Variants in LRP8 observed in about 807,000 individuals in gnomAD.
LRP8 encodes the protein LDL receptor related protein 8, also known as low-density lipoprotein receptor-related protein 8.
LRP8 carries 46 observed loss-of-function variants against 111.6 expected under a neutral mutation model. The ratio of observed to expected loss-of-function variants is 0.41; its 90% CI spans 0.33 to 0.53. The LOEUF is 0.53. Among genes scored for constraint, LRP8 ranks in the 20% least tolerant of loss-of-function variants. The pLI is 0.20. For missense variants in LRP8, 959 were observed against 1,297.4 expected (o/e 0.74, Z 4.01); for synonymous variants, 464 against 511.2 (o/e 0.91, Z 1.24).
chr1:53,319,273 G>A (rs1219183700), intron 2 of LRP8, among the ~76,000 whole-genome samples: 1 of 152,184 alleles, frequency 6.6e-6, no homozygotes, highest in African/African-American at 2.4e-5. Context: ...GAAGTCCCCT[G>A]TGGTACCTCA....
chr1:53,248,544 A>G (rs762730935), intron 18 of LRP8, among the ~76,000 whole-genome samples: 41 of 152,258 alleles, frequency 2.7e-4, no homozygotes, highest in Non-Finnish European at 4.3e-4. Flanking sequence ...CTTCCTGGCT[A>G]TGACCTTAGG....
intron 2 of LRP8, among the ~76,000 whole-genome samples, chr1:53,297,180 A>T (rs1263918287): frequency 6.6e-6 from 1 of 151,932 alleles, no homozygotes; most frequent in Admixed American, 6.6e-5. Flanking sequence ...TGCTTCTGAC[A>T]CTCTAGGGAC....
intron 2 of LRP8, among the ~76,000 whole-genome samples, chr1:53,324,746 A>G (rs1037295370): frequency 3.9e-5 from 6 of 152,184 alleles, no homozygotes; most frequent in African/African-American, 1.4e-4. Flanking sequence ...CATCTCGTCC[A>G]AAGCCTCACA....
In LRP8 at chr1:53,289,688, G is replaced by C. The variant is rs1298898970; in HGVS notation, c.246C>G (p.Pro82=). Residue 82 remains proline (P), a splice_region_variant and synonymous_variant, in exon 3 of 19, where the codon CCC becomes CCG. Transcript: ENST00000306052. ...CLDHSDEDDC[P]KKTCADSDFT... is the part of the protein sequence containing the mutation. Reference sequence around the variant, plus strand: ...AGTCACTGTCTGCACAGGTCTTCTTGGCTGCAGGGCAAGGAAGAGAGCGTG... The same window carrying C: ...AGTCACTGTCTGCACAGGTCTTCTTCGCTGCAGGGCAAGGAAGAGAGCGTG... The C allele has an allele frequency of 1.2e-6, 2 of 1,613,862 alleles. No individual in the cohort carries two copies. The highest frequency in any genetic ancestry group is 1.7e-6 in the Non-Finnish European group (2 of 1,179,910).
intron 2 of LRP8, among the ~76,000 whole-genome samples, chr1:53,320,157 C>T (rs943960847): frequency 1.3e-5 from 2 of 152,264 alleles, no homozygotes; most frequent in Non-Finnish European, 2.9e-5. Context: ...TTAGTGTTAA[C>T]GTGAGTATTT....
rs1470834774 is a variant in LRP8, at chr1:53,275,602, G to A, written c.1006+29C>T. ...CAGAGCCTAGGGCATCCTCACAGAG[G>A]ATGTGTTCTGTGCCCTGACCACACG... is the stretch of plus-strand genomic sequence containing the variant. On this transcript the variant is annotated intron_variant, in intron 6 of 18. Coordinates refer to ENST00000306052, the MANE Select transcript of LRP8 (RefSeq NM_004631.5). This position sits in a 1 kb window ranked among gnomAD's most constrained non-coding sequence, Gnocchi z 4.4. 1.4e-5 allele frequency: 22 copies of A among 1,612,952 alleles called. No individual in the cohort carries two copies. Among genetic ancestry groups the A allele is most frequent in the Non-Finnish European group, 1.7e-5 (20 of 1,179,400 alleles).
chr1:53,260,461 C>T lies in LRP8; in HGVS notation c.2056+3G>A, dbSNP rs1391775030. The stretch of plus-strand genomic sequence containing the variant: ...CTGGGACCTAGGACCAGAGACAGCT[C>T]ACCTCTTGGCTGCTTCAGCTCATGG... On this transcript the variant is annotated splice_donor_region_variant and intron_variant, in intron 13 of 18. Transcript: ENST00000306052. The T allele has an allele frequency of 6.2e-7, 1 of 1,613,890 alleles. No individual in the cohort carries two copies. Among genetic ancestry groups the T allele is most frequent in the Non-Finnish European group, 8.5e-7 (1 of 1,179,924 alleles).
rs1248947917 is a variant in LRP8 at position 53,277,098 on chromosome 1, G to A, written c.497-20C>T. ...CGCACACTGCGCGGGACAGAGAGCC[G>A]GTCGGCCCGCCGACCCCCTCCCCGG... On this transcript the variant is annotated intron_variant, in intron 4 of 18. Coordinates refer to ENST00000306052, the MANE Select transcript of LRP8 (RefSeq NM_004631.5). 2.7e-6 allele frequency: 4 copies of A among 1,466,834 alleles called. No homozygotes were observed. Among genetic ancestry groups the A allele is most frequent in the Admixed American group, 4.7e-5 (2 of 42,106 alleles). 90.9% of individuals were successfully genotyped at this position (1,466,834 alleles called of 1,614,324 possible).
At chr1:53,289,751 C>T (rs974893319) in intron 2 of LRP8, 62 bp from the exon 3 acceptor site, 9 of 1,596,988 alleles carry the variant, frequency 5.6e-6, no homozygotes, top group Admixed American at 1.7e-5. Flanking sequence ...GTGGGCCGAC[C>T]AGGATGTGCT....
At chr1:53,270,037 G>T (rs142557199) in intron 8 of LRP8, among the ~76,000 whole-genome samples, 1 of 152,282 alleles carries the variant, frequency 6.6e-6, no homozygotes, top group Non-Finnish European at 1.5e-5. Flanking sequence ...TTGTATGAGT[G>T]TCATCTCTGT....
In LRP8 at chr1:53,317,083, C is replaced by T. The variant is rs1215342775; in HGVS notation, c.244+9790G>A. On this transcript the variant is annotated intron_variant, in intron 2 of 18. Coordinates refer to ENST00000306052, the MANE Select transcript of LRP8 (RefSeq NM_004631.5). The surrounding 1 kb of genome is among the most constrained non-coding windows in gnomAD (Gnocchi z 4.9). ...GAAGCACACACCCCAAGCACACGCA[C>T]ATGTGCCCATGCCCATGGCCGAGAA... Among the ~76,000 whole-genome samples, 4 of 152,098 alleles carry T rather than the reference C, an allele frequency of 2.6e-5. No individual in the cohort carries two copies. The highest frequency in any genetic ancestry group is 3.4e-3 in the Middle Eastern group (1 of 294).
intron 2 of LRP8, among the ~76,000 whole-genome samples, chr1:53,290,863 C>T (rs1414729325): frequency 2.0e-5 from 3 of 152,004 alleles, no homozygotes; most frequent in Admixed American, 6.5e-5. Context: ...TGTTGGAGAC[C>T]GGGAAGGGGC....
chr1:53,257,115 G>T, intron 15 of LRP8, 125 bp downstream of exon 15: 2 of 853,286 alleles, frequency 2.3e-6, no homozygotes, highest in Non-Finnish European at 3.7e-6. Context: ...TCTCAGATAT[G>T]CAGTAACCTC....
chr1:53,245,368 A>G lies in LRP8; in HGVS notation c.*1650T>C, dbSNP rs1471948935. On this transcript the variant is annotated 3_prime_UTR_variant, in exon 19 of 19. Transcript: ENST00000306052. ...AGTAAGTGGCAGAACAGCAGAGTTA[A>G]GAAACTCAAACTCTTTCTCTTTGGA... is the stretch of plus-strand genomic sequence containing the variant. 1 of 152,214 alleles carries G rather than the reference A, an allele frequency of 6.6e-6. No individual in the cohort carries two copies. The highest frequency in any genetic ancestry group is 2.4e-5 in the African/African-American group (1 of 41,450). The allele number at this position is 152,214 out of a possible 1,614,324, so 9.4% of individuals were successfully genotyped here.
At position 53,262,025 on chromosome 1, in the gene LRP8, T is replaced by C; in HGVS notation, c.1914+43A>G. 2 of 1,603,870 alleles carry C rather than the reference T, an allele frequency of 1.2e-6. No homozygotes were observed. Among genetic ancestry groups the C allele is most frequent in the Non-Finnish European group, 1.7e-6 (2 of 1,174,426 alleles). ...CTATTTGAACAAGCATTTTCTAGGC[T>C]TCAGCTTCCTAGTGGGCCCTTGCCT... is the stretch of plus-strand genomic sequence containing the variant. On this transcript the variant is annotated intron_variant, in intron 12 of 18. Transcript: ENST00000306052. This position sits in a 1 kb window ranked among gnomAD's most constrained non-coding sequence, Gnocchi z 4.8.
At chr1:53,289,424 A>G in intron 3 of LRP8, 143 bp downstream of exon 3, 2 of 1,161,254 alleles carry the variant, frequency 1.7e-6, no homozygotes, top group Non-Finnish European at 2.3e-6. Context: ...CAGCAACTAA[A>G]TATATCTGTT....
In LRP8 at chr1:53,243,655, T is replaced by C. The variant is rs771699421; in HGVS notation, c.*3363A>G. ...CTTGAGCCTTTTGTTCCTGTTAGAA[T>C]GAACTGTGCAATTCCTAAAGTCCCT... On this transcript the variant is annotated 3_prime_UTR_variant, in exon 19 of 19. Transcript: ENST00000306052. The C allele has an allele frequency of 2.0e-5, 3 of 152,244 alleles. No homozygotes were observed. Among genetic ancestry groups the C allele is most frequent in the Non-Finnish European group, 4.4e-5 (3 of 68,034 alleles). 9.4% of individuals were successfully genotyped at this position (152,244 alleles called of 1,614,324 possible).
chr1:53,277,255 T>G (rs1266432816), intron 4 of LRP8, among the ~76,000 whole-genome samples, 177 bp from the exon 5 acceptor site: 1 of 152,176 alleles, frequency 6.6e-6, no homozygotes, highest in Non-Finnish European at 1.5e-5. Context: ...AACACGGACA[T>G]GCTAGGTGAC....
rs150223202 is a variant in LRP8, at chr1:53,317,249, C to T, written c.244+9624G>A. On this transcript the variant is annotated intron_variant, in intron 2 of 18. Coordinates refer to ENST00000306052, the MANE Select transcript of LRP8 (RefSeq NM_004631.5). The surrounding 1 kb of genome is among the most constrained non-coding windows in gnomAD (Gnocchi z 4.9). ...CACCCTTGGCCTCCAGCTATTCAGT[C>T]GGGCAGCTTAACCTGGGCCTGATGG... Among the ~76,000 whole-genome samples, 16 of 152,294 alleles carry T rather than the reference C, an allele frequency of 1.1e-4. No homozygotes were observed. Among genetic ancestry groups the T allele is most frequent in the African/African-American group, 2.2e-4 (9 of 41,566 alleles).
Sources: gnomAD v4.1 joint callset for allele counts (sites outside exome capture counted in the v4.1 genomes callset) on GRCh38, gnomAD v4.1.1 for gene constraint, Gnocchi (gnomAD v3.1) non-coding constraint, MANE v1.5 for transcripts, NCBI Gene and HGNC (gene_info 2026-07-23, HGNC 2026-07-21) for gene names.